ROCK1: variants seen among roughly 807,000 people sequenced by gnomAD.
ROCK1 encodes rho-associated protein kinase 1.
In ROCK1, 36 loss-of-function variants were observed where a neutral mutation model predicts 196.8. The ratio of observed to expected loss-of-function variants is 0.18; its 90% CI spans 0.14 to 0.24. The LOEUF is 0.24. Ranked by LOEUF, ROCK1 falls within the 10% of genes least tolerant of loss-of-function variation. The pLI is 1.00. For missense variants in ROCK1, 920 were observed against 1,562.0 expected (o/e 0.59, Z 6.93); for synonymous variants, 443 against 515.9 (o/e 0.86, Z 1.91).
chr18:21,026,359 G>A (rs1458767086), intron 10 of ROCK1, among the ~76,000 whole-genome samples: 19 of 148,496 alleles, frequency 1.3e-4, no homozygotes, highest in Non-Finnish European at 2.1e-4. Flanking sequence ...CAGGAGAATC[G>A]CTTGAACCCA....
At chr18:21,028,382 C>T (rs2035978974) in intron 10 of ROCK1, among the ~76,000 whole-genome samples, 1 of 151,874 alleles carries the variant, frequency 6.6e-6, no homozygotes. Flanking sequence ...TGCCACTGCA[C>T]TCCAGCCTGG....
intron 22 of ROCK1, among the ~76,000 whole-genome samples, chr18:20,971,305 T>TACACACACAC (rs374530206): frequency 0.028 from 3,807 of 136,748 alleles, 67 homozygotes; most frequent in South Asian, 0.042. Context: ...ATAGTAAACA[T>TACACACACAC]ACACACACAC....
intron 22 of ROCK1, among the ~76,000 whole-genome samples, chr18:20,972,964 C>T (rs960148660): frequency 5.9e-5 from 9 of 151,982 alleles, no homozygotes; most frequent in African/African-American, 2.2e-4. Flanking sequence ...ACTGCAAACT[C>T]CGCCTCCTGG....
At chr18:20,972,940 T>G (rs969232353) in intron 22 of ROCK1, among the ~76,000 whole-genome samples, 1 of 151,594 alleles carries the variant, frequency 6.6e-6, no homozygotes, top group Non-Finnish European at 1.5e-5. Context: ...AGCGCAATGG[T>G]GTGATCTTGG....
At chr18:21,048,992 A>G (rs2036183052) in intron 4 of ROCK1, 100 bp downstream of exon 4, 2 of 1,042,088 alleles carry the variant, frequency 1.9e-6, no homozygotes, top group Non-Finnish European at 2.6e-6. Context: ...TGTAACTGCC[A>G]GTAAATTCTC....
At chr18:20,969,313 C>G in intron 23 of ROCK1, 105 bp from the exon 24 acceptor site, 1 of 604,648 alleles carries the variant, frequency 1.7e-6, no homozygotes, top group East Asian at 2.7e-5. Flanking sequence ...TCAGACACTG[C>G]TGAACTACAG....
intron 2 of ROCK1, among the ~76,000 whole-genome samples, chr18:21,050,651 T>G (rs1264822824): frequency 6.6e-6 from 1 of 152,204 alleles, no homozygotes. Context: ...GCTATTAAAC[T>G]TCAGTTCCAG....
intron 29 of ROCK1, among the ~76,000 whole-genome samples, chr18:20,959,471 C>T (rs1415247311): frequency 6.6e-6 from 1 of 151,308 alleles, no homozygotes; most frequent in African/African-American, 2.4e-5. Flanking sequence ...CTCGACCTCC[C>T]AAAGTGCTGG....
At chr18:21,070,508 T>C (rs1286436291) in intron 2 of ROCK1, 24 bp downstream of exon 2, 4 of 1,323,722 alleles carry the variant, frequency 3.0e-6, no homozygotes, top group Non-Finnish European at 4.3e-6. Flanking sequence ...AGTCTGTCAT[T>C]AACCTCCACA....
At chr18:21,105,515 C>T (rs2036695596) in intron 1 of ROCK1, among the ~76,000 whole-genome samples, 1 of 152,152 alleles carries the variant, frequency 6.6e-6, no homozygotes, top group South Asian at 2.1e-4. Context: ...CAGATCAATT[C>T]AACTGGCAAG....
At chr18:21,011,762 C>A (rs1344442349) in intron 13 of ROCK1, among the ~76,000 whole-genome samples, 1 of 152,122 alleles carries the variant, frequency 6.6e-6, no homozygotes, top group Admixed American at 6.5e-5. Context: ...GACCTAAAAA[C>A]TTTACCTTTC....
intron 2 of ROCK1, among the ~76,000 whole-genome samples, chr18:21,062,931 C>G (rs1239495446): frequency 6.6e-6 from 1 of 152,130 alleles, no homozygotes; most frequent in Non-Finnish European, 1.5e-5. Context: ...ATAAATGCCC[C>G]TGCTCTCATG....
At chr18:20,969,235 C>A (rs760787583) in intron 23 of ROCK1, 27 bp from the exon 24 acceptor site, 2 of 1,398,788 alleles carry the variant, frequency 1.4e-6, no homozygotes, top group Non-Finnish European at 2.0e-6. Flanking sequence ...AAAGTTTAAG[C>A]TCCAGCCTCT....
intron 2 of ROCK1, among the ~76,000 whole-genome samples, chr18:21,065,856 C>T (rs1346068273): frequency 6.6e-6 from 1 of 152,006 alleles, no homozygotes; most frequent in African/African-American, 2.4e-5. Context: ...TTCTCCTTTC[C>T]CTTTTGTTTC....
In ROCK1 at chr18:20,976,777, T is replaced by G. The variant is rs147133416; in HGVS notation, c.2654+3133A>C. ...AAGCCCAAATACAGTGGTATCCATT[T>G]CTGTTTGGACATCCCATAGGCACCT... On this transcript the variant is annotated intron_variant, in intron 22 of 32. Coordinates refer to ENST00000399799, the MANE Select transcript of ROCK1 (RefSeq NM_005406.3). Among the ~76,000 whole-genome samples the G allele has an allele frequency of 9.1e-4, 139 of 152,344 alleles. No individual in the cohort carries two copies. The Middle Eastern group carries it at 0.014, about 15-fold the overall frequency.
At chr18:21,023,712 A>G (rs1488112360) in intron 10 of ROCK1, 32 bp from the exon 11 acceptor site, 1 of 1,258,556 alleles carries the variant, frequency 7.9e-7, no homozygotes, top group Non-Finnish European at 1.1e-6. Context: ...AAAGAAAAGA[A>G]AACAAAAAAC....
intron 9 of ROCK1, among the ~76,000 whole-genome samples, chr18:21,039,234 G>C (rs146975038): frequency 6.6e-6 from 1 of 152,180 alleles, no homozygotes; most frequent in Non-Finnish European, 1.5e-5. Context: ...ATTATGACTG[G>C]TGAGCCTAAA....
intron 16 of ROCK1, among the ~76,000 whole-genome samples, chr18:20,998,673 C>G (rs565081965): frequency 7.1e-6 from 1 of 141,836 alleles, no homozygotes; most frequent in Non-Finnish European, 1.5e-5. Flanking sequence ...GATGCAATCT[C>G]GGCTCACTGC....
intron 13 of ROCK1, among the ~76,000 whole-genome samples, chr18:21,013,728 A>G (rs2035838462): frequency 6.6e-6 from 1 of 152,058 alleles, no homozygotes; most frequent in Admixed American, 6.6e-5. Flanking sequence ...CATAGTGGAG[A>G]TGGAAGTCTA....
Sources: gnomAD v4.1 joint callset for allele counts (sites outside exome capture counted in the v4.1 genomes callset) on GRCh38, gnomAD v4.1.1 for gene constraint, MANE v1.5 for transcripts, NCBI Gene and HGNC (gene_info 2026-07-23, HGNC 2026-07-21) for gene names.